MCTP1: variants seen among roughly 807,000 people sequenced by gnomAD.
The protein encoded by MCTP1 is multiple C2 and transmembrane domain containing 1.
A neutral mutation model predicts 120.6 loss-of-function variants in MCTP1; 69 were observed. The observed-to-expected ratio is 0.57, with a 90% CI of 0.47 to 0.70. The LOEUF is 0.70. Among genes scored for constraint, MCTP1 ranks in the 30% least tolerant of loss-of-function variants. MCTP1 has a pLI of 0.00. For missense variants in MCTP1, 1,203 were observed against 1,248.8 expected (o/e 0.96, Z 0.55); for synonymous variants, 529 against 493.1 (o/e 1.07, Z -0.96).
chr5:95,062,063 A>G (rs1749377018), intron 1 of MCTP1, among the ~76,000 whole-genome samples: 1 of 152,250 alleles, frequency 6.6e-6, no homozygotes, highest in Admixed American at 6.5e-5. Context: ...AGCAACTTCA[A>G]ACTTAAAAAT....
At chr5:94,889,545 C>T (rs531636337) in intron 11 of MCTP1, among the ~76,000 whole-genome samples, 25 of 152,130 alleles carry the variant, frequency 1.6e-4, no homozygotes, top group African/African-American at 2.4e-4. Context: ...GCCAAGATCG[C>T]GCCACTGCAC....
chr5:94,986,877 C>T (rs1581708457), intron 2 of MCTP1, among the ~76,000 whole-genome samples: 1 of 152,088 alleles, frequency 6.6e-6, no homozygotes, highest in South Asian at 2.1e-4. Context: ...TTGGTATCCT[C>T]AAGGGACTGG....
chr5:95,196,008 A>G (rs1198795020), intron 1 of MCTP1, among the ~76,000 whole-genome samples: 1 of 152,050 alleles, frequency 6.6e-6, no homozygotes, highest in Non-Finnish European at 1.5e-5. Flanking sequence ...GCCTTTCTAA[A>G]ATCTCTACAC....
At chr5:95,168,906 T>C (rs1298437458) in intron 1 of MCTP1, among the ~76,000 whole-genome samples, 1 of 152,148 alleles carries the variant, frequency 6.6e-6, no homozygotes, top group African/African-American at 2.4e-5. Flanking sequence ...TCCTGCCTGA[T>C]TGCCCTGGCC....
intron 12 of MCTP1, among the ~76,000 whole-genome samples, chr5:94,881,590 C>T (rs2153363794): frequency 1.3e-5 from 2 of 152,152 alleles, no homozygotes; most frequent in South Asian, 4.1e-4. Context: ...CCTGCCCTGC[C>T]ATTTACAAGC....
intron 3 of MCTP1, among the ~76,000 whole-genome samples, chr5:94,946,822 C>T (rs149211691): frequency 3.8e-3 from 575 of 152,256 alleles, no homozygotes; most frequent in Middle Eastern, 3.4e-3. Context: ...GTGGACATTC[C>T]CTTAAATCCA....
At chr5:94,852,734 T>C (rs888151364) in intron 17 of MCTP1, among the ~76,000 whole-genome samples, 2 of 151,990 alleles carry the variant, frequency 1.3e-5, no homozygotes, top group Non-Finnish European at 2.9e-5. Flanking sequence ...GTTCTCATGC[T>C]AAATATGAAC....
rs375290165 is a variant in MCTP1 at position 94,888,950 on chromosome 5, T to C, written c.1862A>G (p.Asn621Ser). The change falls in exon 12 of 23, where the codon AAC becomes AGC. Residue 621 changes from asparagine to serine, a missense_variant. Physicochemically the swap from Asn to Ser is conservative, Grantham distance 46. This residue lies in a region of MCTP1 where 740 missense variants were observed against 871.1 expected (regional missense o/e 0.85). Transcript: ENST00000515393. ...CTGGAGAAATCCCACATCTTTCAGG[T>C]TGTGAAATATCCTCAATGGGCTCTG... ...KRYSPLRIFHNLKDVGFLQVK... is the reference protein window; with the variant it reads ...KRYSPLRIFHSLKDVGFLQVK... The C allele has an allele frequency of 5.3e-5, 85 of 1,613,524 alleles. No individual in the cohort carries two copies. Among genetic ancestry groups the C allele is most frequent in the Non-Finnish European group, 7.0e-5 (82 of 1,179,626 alleles).
At chr5:94,911,245 T>C (rs1340254025) in intron 9 of MCTP1, among the ~76,000 whole-genome samples, 1 of 152,212 alleles carries the variant, frequency 6.6e-6, no homozygotes, top group Admixed American at 6.5e-5. Context: ...ACAAGACGGA[T>C]ATGATCAGTT....
At chr5:95,228,285 G>C (rs1462738306) in intron 1 of MCTP1, among the ~76,000 whole-genome samples, 1 of 152,184 alleles carries the variant, frequency 6.6e-6, no homozygotes, top group Admixed American at 6.5e-5. Flanking sequence ...CAGGGCATTT[G>C]TAACAAGCTA....
chr5:95,067,060 C>T (rs999844299), intron 1 of MCTP1, among the ~76,000 whole-genome samples: 2 of 141,466 alleles, frequency 1.4e-5, no homozygotes, highest in African/African-American at 2.6e-5. Context: ...GACCATGGAC[C>T]GGTACCAATC....
At chr5:94,844,301 CAAAAAAA>C (rs59169145) in intron 17 of MCTP1, among the ~76,000 whole-genome samples, 1 of 79,712 alleles carries the variant, frequency 1.3e-5, no homozygotes, top group Non-Finnish European at 2.3e-5. Flanking sequence ...GACTCTGTCT[CAAAAAAA>C]AAAAAAAAAA....
chr5:95,239,197 C>A (rs1239679079), intron 1 of MCTP1, among the ~76,000 whole-genome samples: 1 of 152,162 alleles, frequency 6.6e-6, no homozygotes, highest in Non-Finnish European at 1.5e-5. Context: ...TCTAAGCACC[C>A]TGGAGAAATC....
intron 1 of MCTP1, among the ~76,000 whole-genome samples, chr5:95,258,670 C>T (rs1480197838): frequency 6.6e-6 from 1 of 152,188 alleles, no homozygotes; most frequent in African/African-American, 2.4e-5. Flanking sequence ...CATGGGAACT[C>T]TCTGCCCTAT....
chr5:95,193,080 T>C (rs1339556005), intron 1 of MCTP1, among the ~76,000 whole-genome samples: 1 of 152,204 alleles, frequency 6.6e-6, no homozygotes, highest in Non-Finnish European at 1.5e-5. Flanking sequence ...AGTGTTGGTA[T>C]GCAACAAAAT....
chr5:94,960,428 AT>A, intron 2 of MCTP1, among the ~76,000 whole-genome samples: 1 of 152,228 alleles, frequency 6.6e-6, no homozygotes, highest in Non-Finnish European at 1.5e-5. Context: ...ATGAGATCTA[AT>A]TAAATTAAGG....
intron 1 of MCTP1, among the ~76,000 whole-genome samples, chr5:95,101,277 G>GA (rs200423095): frequency 3.9e-5 from 6 of 152,192 alleles, no homozygotes; most frequent in African/African-American, 1.4e-4. Flanking sequence ...TGTACAAACA[G>GA]AAAAAACCTC....
intron 1 of MCTP1, among the ~76,000 whole-genome samples, chr5:95,210,039 G>C (rs942194703): frequency 6.6e-6 from 1 of 152,204 alleles, no homozygotes; most frequent in Non-Finnish European, 1.5e-5. Flanking sequence ...CTGAGAGATA[G>C]TTTGTTATAA....
chr5:95,085,263 A>G (rs1477291566), intron 1 of MCTP1, among the ~76,000 whole-genome samples: 1 of 152,086 alleles, frequency 6.6e-6, no homozygotes, highest in African/African-American at 2.4e-5. Flanking sequence ...TCATTACTGT[A>G]TATCTTTTAT....
Sources: gnomAD v4.1 joint callset for allele counts (sites outside exome capture counted in the v4.1 genomes callset) on GRCh38, gnomAD v4.1.1 for gene constraint, gnomAD v4.1.1 regional missense constraint, MANE v1.5 for transcripts, NCBI Gene and HGNC (gene_info 2026-07-23, HGNC 2026-07-21) for gene names.